SPON1: variants seen among roughly 807,000 people sequenced by gnomAD.
SPON1 encodes the protein spondin-1.
SPON1 carries 52 observed loss-of-function variants against 111.7 expected under a neutral mutation model. The ratio of observed to expected loss-of-function variants is 0.47; its 90% CI spans 0.37 to 0.59. The LOEUF (loss-of-function observed/expected upper bound fraction) is 0.59, where lower values mean the gene tolerates loss of function less well. SPON1 is among the 20% of genes least tolerant of loss of function. The pLI is 0.00. For synonymous variants in SPON1, 410 were observed against 395.8 expected (o/e 1.04, Z -0.43); for missense variants, 957 against 1,068.5 (o/e 0.90, Z 1.46).
intron 2 of SPON1, among the ~76,000 whole-genome samples, chr11:14,017,407 A>T (rs1848451439): frequency 6.6e-6 from 1 of 152,216 alleles, no homozygotes; most frequent in Non-Finnish European, 1.5e-5. Context: ...AAATTAGCTT[A>T]GTTTTTTAGT....
At chr11:14,205,285 A>G (rs1848506030) in intron 6 of SPON1, among the ~76,000 whole-genome samples, 1 of 152,164 alleles carries the variant, frequency 6.6e-6, no homozygotes, top group Admixed American at 6.5e-5. Context: ...TGAATCTTGG[A>G]TCAGTCTGCA....
At chr11:14,095,881 A>G (rs1193655216) in intron 5 of SPON1, among the ~76,000 whole-genome samples, 2 of 152,228 alleles carry the variant, frequency 1.3e-5, no homozygotes, top group African/African-American at 4.8e-5. Flanking sequence ...ACAATGAACA[A>G]TAATCCCACT....
chr11:14,036,995 G>A (rs1176531983), intron 2 of SPON1, among the ~76,000 whole-genome samples: 1 of 152,182 alleles, frequency 6.6e-6, no homozygotes, highest in Non-Finnish European at 1.5e-5. Context: ...AGTGGGAGGT[G>A]AAGGGAAGAC....
chr11:14,231,024 G>T (rs1848796312), intron 6 of SPON1, among the ~76,000 whole-genome samples: 1 of 152,114 alleles, frequency 6.6e-6, no homozygotes. Flanking sequence ...TGTTGCCCAG[G>T]CTGGTCTCGA....
At chr11:14,087,699 G>C (rs191423281) in intron 5 of SPON1, among the ~76,000 whole-genome samples, 10 of 152,284 alleles carry the variant, frequency 6.6e-5, no homozygotes, top group Admixed American at 3.3e-4. Flanking sequence ...GAATATCCTT[G>C]TTAATTTTCT....
chr11:14,265,092 T>G (rs1328566972), intron 15 of SPON1, among the ~76,000 whole-genome samples: 1 of 152,178 alleles, frequency 6.6e-6, no homozygotes, highest in African/African-American at 2.4e-5. Flanking sequence ...TACTAGCTGG[T>G]GGCACAATTG....
intron 2 of SPON1, among the ~76,000 whole-genome samples, chr11:14,015,712 A>G (rs1278513709): frequency 2.0e-5 from 3 of 152,222 alleles, no homozygotes; most frequent in African/African-American, 7.2e-5. Flanking sequence ...TGTTTCCATT[A>G]CCAAAGAACA....
At chr11:13,982,298 T>A (rs1554909760) in intron 1 of SPON1, among the ~76,000 whole-genome samples, 1 of 152,164 alleles carries the variant, frequency 6.6e-6, no homozygotes, top group Non-Finnish European at 1.5e-5. Flanking sequence ...TGCAGGGGGC[T>A]ACTGTATATC....
In SPON1 at chr11:14,259,822, C is replaced by T; in HGVS notation, c.1831+121C>T. On this transcript the variant is annotated intron_variant, in intron 13 of 15. Coordinates refer to ENST00000576479, the MANE Select transcript of SPON1 (RefSeq NM_006108.4). The surrounding 1 kb of genome is among the most constrained non-coding windows in gnomAD (Gnocchi z 5.0). ...AGCAGAGGAAAGCATGGCCCATGGTCCTTGCTGGGCACTGCTGGGAGCCAG... is the reference window on the plus strand; with the variant it reads ...AGCAGAGGAAAGCATGGCCCATGGTTCTTGCTGGGCACTGCTGGGAGCCAG... The T allele has an allele frequency of 8.8e-7, 1 of 1,136,206 alleles. No individual in the cohort carries two copies. 70.4% of individuals were successfully genotyped at this position (1,136,206 alleles called of 1,614,324 possible). A position where few individuals can be genotyped will look rare whatever the true frequency, so the allele number is the denominator to read the frequency against.
intron 7 of SPON1, among the ~76,000 whole-genome samples, chr11:14,254,313 G>A (rs1554940935): frequency 6.6e-6 from 1 of 152,194 alleles, no homozygotes; most frequent in Non-Finnish European, 1.5e-5. Context: ...ACTGGATAGG[G>A]TGGTAGTATA....
At chr11:14,221,402 G>A (rs1289442421) in intron 6 of SPON1, among the ~76,000 whole-genome samples, 3 of 152,206 alleles carry the variant, frequency 2.0e-5, no homozygotes, top group Admixed American at 6.5e-5. Context: ...GGCCTAGAAA[G>A]GGAAGGAGTC....
At chr11:14,199,994 G>A (rs1347180215) in intron 6 of SPON1, among the ~76,000 whole-genome samples, 1 of 152,154 alleles carries the variant, frequency 6.6e-6, no homozygotes, top group Non-Finnish European at 1.5e-5. Context: ...CATGCCCCAT[G>A]CGTTTTTACA....
chr11:14,244,702 G>T (rs552812923), intron 7 of SPON1, among the ~76,000 whole-genome samples: 1 of 152,122 alleles, frequency 6.6e-6, no homozygotes, highest in African/African-American at 2.4e-5. Flanking sequence ...AGCCGTGATC[G>T]CACCACTGCA....
At chr11:14,007,259 A>T in intron 2 of SPON1, among the ~76,000 whole-genome samples, 1 of 152,196 alleles carries the variant, frequency 6.6e-6, no homozygotes, top group Non-Finnish European at 1.5e-5. Context: ...CTAGAGGGAC[A>T]GAACTGATAG....
intron 5 of SPON1, among the ~76,000 whole-genome samples, chr11:14,121,954 A>G (rs1554926545): frequency 1.3e-5 from 2 of 151,868 alleles, no homozygotes; most frequent in African/African-American, 4.8e-5. Flanking sequence ...TTTTTGAAGC[A>G]AGTCATCATT....
intron 2 of SPON1, among the ~76,000 whole-genome samples, chr11:14,030,022 C>G (rs1408246746): frequency 1.3e-5 from 2 of 152,170 alleles, no homozygotes; most frequent in African/African-American, 4.8e-5. Context: ...GGGAAAACCC[C>G]CAAGAGCACT....
At chr11:14,102,261 C>T (rs763766911) in intron 5 of SPON1, among the ~76,000 whole-genome samples, 8 of 151,892 alleles carry the variant, frequency 5.3e-5, no homozygotes, top group East Asian at 1.9e-4. Context: ...ATATGAGCCA[C>T]GTATGTAATT....
intron 1 of SPON1, among the ~76,000 whole-genome samples, chr11:13,969,167 C>T (rs1554908352): frequency 6.8e-6 from 1 of 147,020 alleles, no homozygotes; most frequent in Non-Finnish European, 1.5e-5. Context: ...ATTGCTTAAC[C>T]CCAGGAGTTC....
intron 2 of SPON1, among the ~76,000 whole-genome samples, chr11:14,005,263 A>G (rs1261585559): frequency 6.6e-6 from 1 of 152,202 alleles, no homozygotes; most frequent in Non-Finnish European, 1.5e-5. Flanking sequence ...GATGGTTGGC[A>G]GCACCCCTGG....
Sources: allele counts gnomAD v4.1 joint callset (sites outside exome capture counted in the v4.1 genomes callset), GRCh38; gene constraint gnomAD v4.1.1; non-coding constraint Gnocchi (gnomAD v3.1); transcripts MANE v1.5; gene names NCBI Gene and HGNC (gene_info 2026-07-23, HGNC 2026-07-21).